The following HECW2 variants were observed in gnomAD, a reference collection of about 807,000 sequenced individuals.
HECW2 encodes E3 ubiquitin-protein ligase HECW2.
In HECW2, 61 loss-of-function variants were observed where a neutral mutation model predicts 175.2. That is an observed-to-expected ratio of 0.35 (90% CI 0.28 to 0.43). The LOEUF (loss-of-function observed/expected upper bound fraction) is 0.43. HECW2 is among the 20% of genes least tolerant of loss of function. HECW2 has a pLI of 1.00. For synonymous variants in HECW2, 671 were observed against 731.0 expected (o/e 0.92, Z 1.32); for missense variants, 1,524 against 2,000.5 (o/e 0.76, Z 4.54).
intron 24 of HECW2, among the ~76,000 whole-genome samples, chr2:196,222,007 G>A (rs928941710): frequency 2.6e-5 from 4 of 152,198 alleles, no homozygotes; most frequent in African/African-American, 9.7e-5. Flanking sequence ...ATCACCATCT[G>A]TAATTTACAG....
chr2:196,293,333 C>T (rs1428839759), intron 13 of HECW2, among the ~76,000 whole-genome samples: 1 of 152,200 alleles, frequency 6.6e-6, no homozygotes. Flanking sequence ...GACATTATCT[C>T]ATTCCTTTTC....
At chr2:196,270,060 A>C (rs890663892) in intron 17 of HECW2, among the ~76,000 whole-genome samples, 1 of 152,210 alleles carries the variant, frequency 6.6e-6, no homozygotes, top group Non-Finnish European at 1.5e-5. Flanking sequence ...GTGGATCAGT[A>C]TTTGGGAATC....
At chr2:196,226,895 T>C (rs1687871144) in intron 22 of HECW2, among the ~76,000 whole-genome samples, 1 of 152,194 alleles carries the variant, frequency 6.6e-6, no homozygotes, top group East Asian at 1.9e-4. Context: ...CTGAATCACT[T>C]TGGAAATTTT....
chr2:196,417,458 T>A (rs1302346796), intron 2 of HECW2, among the ~76,000 whole-genome samples: 1 of 152,198 alleles, frequency 6.6e-6, no homozygotes, highest in Non-Finnish European at 1.5e-5. Flanking sequence ...ATTAAAAAAA[T>A]TTTTAGAGAC....
intron 1 of HECW2, among the ~76,000 whole-genome samples, chr2:196,521,442 T>C (rs1688380499): frequency 1.3e-5 from 2 of 152,100 alleles, no homozygotes; most frequent in South Asian, 2.1e-4. Flanking sequence ...ACAAAGTCAC[T>C]TGAATCCCTT....
chr2:196,577,834 T>C (rs1159702250), intron 1 of HECW2, among the ~76,000 whole-genome samples: 1 of 152,116 alleles, frequency 6.6e-6, no homozygotes, highest in Non-Finnish European at 1.5e-5. Flanking sequence ...TGACAAAGAA[T>C]ACAGACTACA....
At position 196,203,315 on chromosome 2, in the gene HECW2, C is replaced by A. The variant is rs541772884; in HGVS notation, c.4608-1927G>T. Among the ~76,000 whole-genome samples, 108 of 152,160 alleles carry A rather than the reference C, an allele frequency of 7.1e-4. No homozygotes were observed. In the Middle Eastern group the frequency reaches 0.01, roughly 14 times the overall value. ...TTAGACTGGAACGCAAATTGAGCCT[C>A]AAGAAAAGGTTTTACTTATTTAAAA... On this transcript the variant is annotated intron_variant, in intron 28 of 28. Transcript: ENST00000644978.
rs1377144812 is a variant in HECW2, at chr2:196,199,308, A to G, written c.*1969T>C. Reference sequence around the variant, plus strand: ...TCAATAAGTACAAACTAACATTTCCAGTTAAAAGTTTTTCTTTTTTTCTCT... The same window carrying G: ...TCAATAAGTACAAACTAACATTTCCGGTTAAAAGTTTTTCTTTTTTTCTCT... On this transcript the variant is annotated 3_prime_UTR_variant, in exon 29 of 29. Coordinates refer to ENST00000644978, the MANE Select transcript of HECW2 (RefSeq NM_001348768.2). 1 of 152,654 alleles carries G rather than the reference A, an allele frequency of 6.6e-6. No homozygotes were observed. Among genetic ancestry groups the G allele is most frequent in the African/African-American group, 2.4e-5 (1 of 41,458 alleles). 9.5% of individuals were successfully genotyped at this position (152,654 alleles called of 1,614,324 possible).
chr2:196,318,256 T>G (rs1437276866), intron 9 of HECW2, among the ~76,000 whole-genome samples: 2 of 152,206 alleles, frequency 1.3e-5, no homozygotes, highest in African/African-American at 4.8e-5. Context: ...CCCATCTGGA[T>G]GCAAACCATG....
At chr2:196,308,520 A>G (rs1305052906) in intron 10 of HECW2, among the ~76,000 whole-genome samples, 1 of 152,220 alleles carries the variant, frequency 6.6e-6, no homozygotes, top group Non-Finnish European at 1.5e-5. Context: ...AGACTTCCAC[A>G]CGCATATTCA....
intron 22 of HECW2, among the ~76,000 whole-genome samples, chr2:196,227,846 T>C (rs1687909923): frequency 1.3e-5 from 2 of 152,194 alleles, no homozygotes; most frequent in Admixed American, 6.5e-5. Context: ...GAAATACCTT[T>C]TGAATTCTAC....
At chr2:196,314,062 C>T (rs1394455244) in intron 10 of HECW2, among the ~76,000 whole-genome samples, 1 of 152,188 alleles carries the variant, frequency 6.6e-6, no homozygotes, top group Non-Finnish European at 1.5e-5. Flanking sequence ...GCTTCAGTAG[C>T]TTGTCCCTAG....
chr2:196,558,083 G>C (rs1335322774), intron 1 of HECW2, among the ~76,000 whole-genome samples: 3 of 152,126 alleles, frequency 2.0e-5, no homozygotes, highest in African/African-American at 4.8e-5. Context: ...CCATTTAAAA[G>C]ATGAATCAAT....
intron 1 of HECW2, among the ~76,000 whole-genome samples, chr2:196,513,133 A>C (rs1688013350): frequency 6.6e-6 from 1 of 152,226 alleles, no homozygotes; most frequent in Non-Finnish European, 1.5e-5. Flanking sequence ...ATTACAGTGA[A>C]GATGTAATAG....
At chr2:196,315,926 T>C (rs1047348195) in intron 10 of HECW2, 1 of 152,190 alleles carries the variant, frequency 6.6e-6, no homozygotes, top group African/African-American at 2.4e-5. Context: ...AATCTGTATA[T>C]ACATAAAAAT....
intron 1 of HECW2, among the ~76,000 whole-genome samples, chr2:196,571,244 T>C (rs2125514343): frequency 6.6e-6 from 1 of 152,334 alleles, no homozygotes; most frequent in Middle Eastern, 3.4e-3. Flanking sequence ...GACATGGCTT[T>C]GTGTCATTTA....
intron 17 of HECW2, chr2:196,269,542 G>A (rs553709157): frequency 4.4e-4 from 61 of 139,278 alleles, no homozygotes; most frequent in African/African-American, 1.6e-3. Flanking sequence ...CAAGAATATC[G>A]TGAGTATATT....
chr2:196,201,312 C>T lies in HECW2; in HGVS notation c.4684G>A (p.Ala1562Thr). 1 of 1,613,374 alleles carries T rather than the reference C, an allele frequency of 6.2e-7. No homozygotes were observed. Among genetic ancestry groups the T allele is most frequent in the Non-Finnish European group, 8.5e-7 (1 of 1,179,342 alleles). The change falls in exon 29 of 29, where the codon GCA becomes ACA. Residue 1562 changes from alanine (A) to threonine (T), a missense_variant. Physicochemically the swap from Ala to Thr is moderately conservative, Grantham distance 58 (BLOSUM62 0). Coordinates refer to ENST00000644978, the MANE Select transcript of HECW2 (RefSeq NM_001348768.2). ...CCAAAAGTACTGGTTTCTTCAACTG[C>T]TGTCAACAGTTTTTCATAAAGCATG... is the stretch of plus-strand genomic sequence containing the variant. ...FSMLYEKLLT[A>T]VEETSTFGLE
intron 28 of HECW2, among the ~76,000 whole-genome samples, chr2:196,205,159 C>A (rs145763829): frequency 2.0e-5 from 3 of 152,288 alleles, no homozygotes; most frequent in East Asian, 3.9e-4. Context: ...AACTAAACAG[C>A]TCCTCTGGAA....
Sources: allele counts gnomAD v4.1 joint callset (sites outside exome capture counted in the v4.1 genomes callset), GRCh38; gene constraint gnomAD v4.1.1; transcripts MANE v1.5; gene names NCBI Gene and HGNC (gene_info 2026-07-23, HGNC 2026-07-21).